The following ANKS3 variants were observed in gnomAD, a reference collection of about 807,000 sequenced individuals.
The protein encoded by ANKS3 is ankyrin repeat and sterile alpha motif domain containing 3.
ANKS3 carries 62 observed loss-of-function variants against 80.7 expected under a neutral mutation model. The observed-to-expected ratio is 0.77, with a 90% CI of 0.63 to 0.95. The LOEUF (loss-of-function observed/expected upper bound fraction) is 0.95. ANKS3 is among the 40% of genes least tolerant of loss of function. The pLI is 0.00. For synonymous variants in ANKS3, 489 were observed against 355.3 expected, an observed-to-expected ratio of 1.38 and a Z score of -4.23; for missense variants, 1,150 against 883.6, an observed-to-expected ratio of 1.30 and a Z score of -3.82.
rs140504631 is a variant in ANKS3, at chr16:4,714,085, C to A, written c.675G>T (p.Ser225=). ...GATAGAGGCTCTTGGGCAGAGAGGG[C>A]GAGTAAGTGTCCATCAAGGCCACGA... ...MKIVALMDTY[S]PSLPKSLYRS... is the part of the protein sequence containing the mutation. Residue 225 remains serine (S), a synonymous_variant, in exon 7 of 18, where the codon TCG becomes TCT. Coordinates refer to ENST00000304283, the MANE Select transcript of ANKS3 (RefSeq NM_133450.4). 5 of 1,614,008 alleles carry A rather than the reference C, an allele frequency of 3.1e-6. No individual in the cohort carries two copies. Among genetic ancestry groups the A allele is most frequent in the Admixed American group, 3.3e-5 (2 of 60,010 alleles).
chr16:4,706,282 G>A (rs534870541), intron 7 of ANKS3, among the ~76,000 whole-genome samples: 3 of 151,924 alleles, frequency 2.0e-5, no homozygotes, highest in Admixed American at 6.6e-5. Context: ...CCAGGCAGGA[G>A]TGCAATGGTG....
intron 6 of ANKS3, among the ~76,000 whole-genome samples, chr16:4,718,072 G>A (rs369688881): frequency 1.3e-5 from 2 of 150,206 alleles, no homozygotes; most frequent in African/African-American, 4.9e-5. Context: ...ACCATGCCTG[G>A]CCAATTTTTT....
chr16:4,717,072 T>A (rs1015975579), intron 6 of ANKS3, among the ~76,000 whole-genome samples: 1 of 148,816 alleles, frequency 6.7e-6, no homozygotes, highest in Non-Finnish European at 1.5e-5. Flanking sequence ...TAAAACCCCA[T>A]CTCTACTAAA....
chr16:4,725,536 T>C (rs1286972010), intron 5 of ANKS3, among the ~76,000 whole-genome samples: 1 of 152,220 alleles, frequency 6.6e-6, no homozygotes, highest in Admixed American at 6.5e-5. Context: ...TCAGGTGTCT[T>C]AGAATGAATG....
intron 3 of ANKS3, chr16:4,727,462 T>A: frequency 2.0e-6 from 1 of 507,632 alleles, no homozygotes. Context: ...CAGATGGCAC[T>A]CAACCAGGGA....
Position 4,702,152 on chromosome 16 carries a change from G to T in ANKS3, c.959C>A (p.Ser320Tyr). Residue 320 changes from serine (S) to tyrosine (Y), a missense_variant, in exon 9 of 18, where the codon TCC (serine) becomes TAC (tyrosine). Physicochemically the swap from Ser to Tyr is moderately radical, Grantham distance 144. Transcript: ENST00000304283. The stretch of plus-strand genomic sequence containing the variant: ...CTCCACATCCCGCTCATTGATGGGG[G>T]AGGTGACATCCCGGCAGCAGAGGCC... ...EEGLCCRDVT[S>Y]PINERDVESS... The T allele has an allele frequency of 6.3e-7, 1 of 1,596,930 alleles. No individual in the cohort carries two copies.
intron 6 of ANKS3, among the ~76,000 whole-genome samples, chr16:4,722,929 CAA>C (rs969402269): frequency 6.2e-4 from 57 of 91,696 alleles, no homozygotes; most frequent in Admixed American, 7.2e-4. Flanking sequence ...CTTCTGTCTC[CAA>C]AAAAAAAAAA....
At position 4,726,777 on chromosome 16, in the gene ANKS3, CT is replaced by C; in HGVS notation, c.372del (p.Gly125ValfsTer4). 1 of 1,612,916 alleles carries C rather than the reference CT, an allele frequency of 6.2e-7. No homozygotes were observed. The highest frequency in any genetic ancestry group is 8.5e-7 in the Non-Finnish European group (1 of 1,178,986). ...ATGTCTTTCATTTCTAGCTCTGCAC[CT>C]TGCTTCAAGAGAACACAGAACGTGC... ...NESIAYFLLQ[Q>X]GAELEMKDIQ... On this transcript the variant is annotated frameshift_variant and splice_region_variant, in exon 5 of 18. Transcript: ENST00000304283. LOFTEE classifies it high-confidence loss of function.
chr16:4,730,346 G>C (rs939159346), intron 2 of ANKS3, 195 bp from the exon 3 acceptor site: 2 of 436,728 alleles, frequency 4.6e-6, no homozygotes, highest in Non-Finnish European at 7.7e-6. Context: ...GCTAAATCTG[G>C]TGAGCCTGCT....
At chr16:4,704,478 C>G (rs946250859) in intron 8 of ANKS3, among the ~76,000 whole-genome samples, 1 of 152,174 alleles carries the variant, frequency 6.6e-6, no homozygotes, top group African/African-American at 2.4e-5. Flanking sequence ...AGAGAGTAGG[C>G]ACCAAACCCA....
chr16:4,719,329 T>C (rs775088724), intron 6 of ANKS3, among the ~76,000 whole-genome samples: 3 of 152,126 alleles, frequency 2.0e-5, no homozygotes, highest in Non-Finnish European at 4.4e-5. Context: ...TGAGACTCTG[T>C]CTCAAAAAGA....
At chr16:4,706,333 C>T (rs1287544978) in intron 7 of ANKS3, among the ~76,000 whole-genome samples, 3 of 152,092 alleles carry the variant, frequency 2.0e-5, no homozygotes, top group African/African-American at 4.8e-5. Flanking sequence ...TGGGTTCACG[C>T]CACTCTCCTG....
At chr16:4,715,076 CAG>C (rs1297159700) in intron 6 of ANKS3, among the ~76,000 whole-genome samples, 1 of 149,934 alleles carries the variant, frequency 6.7e-6, no homozygotes, top group Admixed American at 6.6e-5. Flanking sequence ...CTTGAATGCT[CAG>C]GGGGATAAGC....
Position 4,701,017 on chromosome 16 carries a change from C to G in ANKS3, c.1237G>C (p.Ala413Pro). Reference protein sequence around the residue: ...RAATDREGFLAESSPQTQRAP... With the variant: ...RAATDREGFLPESSPQTQRAP... ...CTCTGAGTCTGGGGGCTGGACTCAGCGAGAAAGCCTTCCCTGTCAGTTGCA... is the reference window on the plus strand; with the variant it reads ...CTCTGAGTCTGGGGGCTGGACTCAGGGAGAAAGCCTTCCCTGTCAGTTGCA... The change falls in exon 11 of 18, where the codon GCT (alanine) becomes CCT (proline). Residue 413 changes from alanine (A) to proline (P), a missense_variant. Physicochemically the swap from Ala to Pro is conservative, Grantham distance 27. Transcript: ENST00000304283. The G allele has an allele frequency of 6.2e-7, 1 of 1,613,954 alleles. No individual in the cohort carries two copies. Among genetic ancestry groups the G allele is most frequent in the African/African-American group, 1.3e-5 (1 of 75,032 alleles).
In ANKS3 at chr16:4,730,062, C is replaced by G. The variant is rs1204689533; in HGVS notation, c.88G>C (p.Gly30Arg). 6.3e-7 allele frequency: 1 copy of G among 1,592,690 alleles called. No individual in the cohort carries two copies. Among genetic ancestry groups the G allele is most frequent in the Non-Finnish European group, 8.6e-7 (1 of 1,167,814 alleles). Reference protein sequence around the residue: ...MWHGLGTQVSGEELDVPLDLH... With the variant: ...MWHGLGTQVSREELDVPLDLH... Reference sequence around the variant, plus strand: ...TCCAGGGGGACATCCAGCTCCTCCCCGCTGACCTGTGTCCCGAGCCCGTGC... The same window carrying G: ...TCCAGGGGGACATCCAGCTCCTCCCGGCTGACCTGTGTCCCGAGCCCGTGC... Residue 30 changes from glycine (G) to arginine (R), a missense_variant, in exon 3 of 18, where the codon GGG becomes CGG. Physicochemically the swap from Gly to Arg is moderately radical, Grantham distance 125. Transcript: ENST00000304283.
chr16:4,698,654 C>CT, intron 13 of ANKS3, 55 bp from the exon 14 acceptor site: 1 of 1,531,048 alleles, frequency 6.5e-7, no homozygotes, highest in Admixed American at 1.9e-5. Context: ...CAAGCCAGAC[C>CT]CTTGGCCACG....
chr16:4,720,789 T>C (rs1341460391), intron 6 of ANKS3, among the ~76,000 whole-genome samples: 2 of 149,376 alleles, frequency 1.3e-5, no homozygotes, highest in East Asian at 4.0e-4. Context: ...AATACAAAAT[T>C]AGCTGGGCGT....
At chr16:4,700,776 G>C (rs768722503) in intron 11 of ANKS3, 194 bp downstream of exon 11, 4 of 811,962 alleles carry the variant, frequency 4.9e-6, no homozygotes, top group South Asian at 2.7e-5. Context: ...GAGAGGAACA[G>C]AGTAGAAGCG....
intron 7 of ANKS3, among the ~76,000 whole-genome samples, chr16:4,710,645 G>C (rs58689081): frequency 6.6e-6 from 1 of 152,048 alleles, no homozygotes. Flanking sequence ...GGGAGGCGGA[G>C]GTTGCATTGA....
Sources: gnomAD v4.1 joint callset for allele counts (sites outside exome capture counted in the v4.1 genomes callset) on GRCh38, gnomAD v4.1.1 for gene constraint, MANE v1.5 for transcripts, NCBI Gene and HGNC (gene_info 2026-07-23, HGNC 2026-07-21) for gene names.